Variants in CADM2 observed in about 807,000 individuals in gnomAD.
The protein encoded by CADM2 is cell adhesion molecule 2.
Under a neutral mutation model 49.8 loss-of-function variants are expected in CADM2, and 12 were observed. That is an observed-to-expected ratio of 0.24 (90% CI 0.15 to 0.39). CADM2 has a LOEUF of 0.39. Ranked by LOEUF, CADM2 falls within the 10% of genes least tolerant of loss-of-function variation. CADM2 has a pLI of 1.00. For synonymous variants in CADM2, 214 were observed against 175.4 expected, an observed-to-expected ratio of 1.22 and a Z score of -1.74; for missense variants, 378 against 492.3, an observed-to-expected ratio of 0.77 and a Z score of 2.20.
chr3:85,893,677 G>A (rs548890738), intron 5 of CADM2, among the ~76,000 whole-genome samples: 2 of 152,158 alleles, frequency 1.3e-5, no homozygotes, highest in Non-Finnish European at 2.9e-5. Context: ...CCATCAAAAA[G>A]TGGGTGAAGG....
chr3:85,787,380 A>G (rs1284708331), intron 2 of CADM2, among the ~76,000 whole-genome samples: 5 of 152,076 alleles, frequency 3.3e-5, no homozygotes, highest in Non-Finnish European at 5.9e-5. Context: ...TATTTTCTCA[A>G]TGAGGTACTT....
Position 86,067,389 on chromosome 3 carries a change from A to T in CADM2, c.*606A>T, listed in dbSNP as rs545212917. 1 of 152,588 alleles carries T rather than the reference A, an allele frequency of 6.6e-6. No homozygotes were observed. The highest frequency in any genetic ancestry group is 1.5e-5 in the Non-Finnish European group (1 of 68,012). 9.5% of individuals were successfully genotyped at this position (152,588 alleles called of 1,614,324 possible). On this transcript the variant is annotated 3_prime_UTR_variant, in exon 10 of 10. Transcript: ENST00000383699. ...ACTGGTAAAGCTGTATCGATTTGCTATTGAAATATAGTATTTGATACAGGA... is the reference window on the plus strand; with the variant it reads ...ACTGGTAAAGCTGTATCGATTTGCTTTTGAAATATAGTATTTGATACAGGA...
chr3:85,561,678 G>A (rs2062098383), intron 1 of CADM2, among the ~76,000 whole-genome samples: 1 of 152,134 alleles, frequency 6.6e-6, no homozygotes, highest in Non-Finnish European at 1.5e-5. Context: ...ATTGCTCTAG[G>A]CATTGAGGAT....
At chr3:85,324,052 A>T (rs1376731653) in intron 1 of CADM2, among the ~76,000 whole-genome samples, 1 of 152,176 alleles carries the variant, frequency 6.6e-6, no homozygotes, top group Non-Finnish European at 1.5e-5. Flanking sequence ...ATCTGTATTT[A>T]TATTTTTCGT....
intron 1 of CADM2, among the ~76,000 whole-genome samples, chr3:85,610,618 A>C (rs1262971758): frequency 1.3e-5 from 2 of 152,018 alleles, no homozygotes; most frequent in African/African-American, 4.8e-5. Flanking sequence ...ATCACCAAGC[A>C]AACACAGATA....
intron 8 of CADM2, among the ~76,000 whole-genome samples, chr3:86,002,889 A>C (rs921819585): frequency 6.6e-6 from 1 of 152,202 alleles, no homozygotes; most frequent in Non-Finnish European, 1.5e-5. Flanking sequence ...GATGGAATTT[A>C]TCACTTTGTA....
At position 85,809,788 on chromosome 3, in the gene CADM2, CTCTCTT is replaced by C. The variant is rs1450340738; in HGVS notation, c.238+7596_238+7601del. Among the ~76,000 whole-genome samples the C allele has an allele frequency of 5.5e-5, 6 of 109,542 alleles. 1 individual carries two copies. The South Asian group carries it at 1.1e-3, about 21-fold the overall frequency. 71.9% of individuals were successfully genotyped at this position (109,542 alleles called of 152,430 possible). On this transcript the variant is annotated intron_variant, in intron 3 of 9. Transcript: ENST00000383699. ...CCTCTCTCTCTCTCTCTCTCTCTCT[CTCTCTT>C]TCTTTCTTTCTTTCTTTCTGTGGGA...
At chr3:85,156,865 A>G (rs2040143144) in intron 1 of CADM2, among the ~76,000 whole-genome samples, 1 of 152,192 alleles carries the variant, frequency 6.6e-6, no homozygotes, top group African/African-American at 2.4e-5. Flanking sequence ...AAGGAAATAA[A>G]AGGTATTCAT....
intron 1 of CADM2, among the ~76,000 whole-genome samples, chr3:85,603,295 T>C (rs866647020): frequency 6.6e-6 from 1 of 151,940 alleles, no homozygotes; most frequent in Non-Finnish European, 1.5e-5. Context: ...CAATTCTTTT[T>C]TTGAAGGGGA....
At chr3:85,134,257 T>C (rs1202326902) in intron 1 of CADM2, among the ~76,000 whole-genome samples, 2 of 152,158 alleles carry the variant, frequency 1.3e-5, no homozygotes, top group South Asian at 2.1e-4. Context: ...CACACCTCCC[T>C]GCAAGCTGAG....
chr3:85,078,548 T>G (rs1372579665), intron 1 of CADM2, among the ~76,000 whole-genome samples: 1 of 151,940 alleles, frequency 6.6e-6, no homozygotes, highest in Non-Finnish European at 1.5e-5. Context: ...CAAAAATCAT[T>G]GAAATAAAGA....
intron 1 of CADM2, among the ~76,000 whole-genome samples, chr3:85,632,108 G>A (rs1189797473): frequency 2.0e-5 from 3 of 152,070 alleles, no homozygotes; most frequent in Admixed American, 2.0e-4. Context: ...GGTGGGAGGG[G>A]CCTGGTGGGA....
chr3:85,265,586 G>A (rs371511492), intron 1 of CADM2, among the ~76,000 whole-genome samples: 13 of 152,066 alleles, frequency 8.5e-5, no homozygotes, highest in African/African-American at 2.6e-4. Flanking sequence ...TCATGCATTA[G>A]GGCAGAGCCC....
Position 85,136,644 on chromosome 3 carries a change from T to C in CADM2, c.61+176976T>C, listed in dbSNP as rs565334711. 2.6e-5 allele frequency among the ~76,000 whole-genome samples: 4 copies of C among 152,052 alleles called. No homozygotes were observed. In the East Asian group the frequency reaches 7.7e-4, roughly 29 times the overall value. On this transcript the variant is annotated intron_variant, in intron 1 of 9. Transcript: ENST00000383699. The stretch of plus-strand genomic sequence containing the variant: ...GGTTTAGATTTGGATATATTTCACT[T>C]TACAATCTAACTGCAAGTTAAAACA...
chr3:85,740,494 T>C (rs7623480), intron 2 of CADM2, among the ~76,000 whole-genome samples: 80,470 of 151,958 alleles, frequency 0.53, 22,069 homozygotes, highest in African/African-American at 0.68. Flanking sequence ...GCCTTAATTT[T>C]TGCTCTATGT....
intron 1 of CADM2, among the ~76,000 whole-genome samples, chr3:85,110,819 G>A (rs1171549515): frequency 2.0e-5 from 3 of 151,780 alleles, no homozygotes; most frequent in African/African-American, 7.2e-5. Context: ...GGCCGAGGAA[G>A]AAGGAAGGAT....
rs2034917863 is a variant in CADM2, at chr3:85,398,576, A to AC, written c.62-327944dup. Among the ~76,000 whole-genome samples the AC allele has an allele frequency of 2.0e-5, 3 of 152,174 alleles. No individual in the cohort carries two copies. The South Asian group carries it at 6.2e-4, about 31-fold the overall frequency. ...TCTAGTTCTAGATACCTGAGGAATCACCACACTGTCTTCCCCAATGGTTGA... is the reference window on the plus strand; with the variant it reads ...TCTAGTTCTAGATACCTGAGGAATCACCCACACTGTCTTCCCCAATGGTTGA... On this transcript the variant is annotated intron_variant, in intron 1 of 9. Transcript: ENST00000383699.
Position 85,992,421 on chromosome 3 carries a change from T to A in CADM2, c.970+30774T>A, listed in dbSNP as rs537503035. 5.9e-5 allele frequency: 9 copies of A among 152,232 alleles called. 1 individual carries two copies. The highest frequency in any genetic ancestry group is 2.2e-4 in the African/African-American group (9 of 41,558). 9.4% of individuals were successfully genotyped at this position (152,232 alleles called of 1,614,324 possible). On this transcript the variant is annotated intron_variant, in intron 8 of 9. Coordinates refer to ENST00000383699, the MANE Select transcript of CADM2 (RefSeq NM_001167675.2). Reference sequence around the variant, plus strand: ...TTTTCTAAATTTATAAGAATAATAATTTTACAATATTTTTTGCATTTGTTG... The same window carrying A: ...TTTTCTAAATTTATAAGAATAATAAATTTACAATATTTTTTGCATTTGTTG...
At chr3:85,434,020 T>A (rs1182701302) in intron 1 of CADM2, among the ~76,000 whole-genome samples, 2 of 152,066 alleles carry the variant, frequency 1.3e-5, no homozygotes, top group Non-Finnish European at 2.9e-5. Context: ...AATCAGTAAA[T>A]GTTGATTTAA....
Sources: gnomAD v4.1 joint callset for allele counts (sites outside exome capture counted in the v4.1 genomes callset) on GRCh38, gnomAD v4.1.1 for gene constraint, MANE v1.5 for transcripts, NCBI Gene and HGNC (gene_info 2026-07-23, HGNC 2026-07-21) for gene names.